Variants in CHD6 observed in about 807,000 individuals in gnomAD.
CHD6 encodes chromodomain helicase DNA binding protein 6, also known as ATP-dependent chromatin remodeler CHD6.
Under a neutral mutation model 276.9 loss-of-function variants are expected in CHD6, and 50 were observed. The ratio of observed to expected loss-of-function variants is 0.18; its 90% confidence interval spans 0.14 to 0.23. The LOEUF is 0.23. Ranked by LOEUF, CHD6 falls within the 10% of genes least tolerant of loss-of-function variation. The pLI is 1.00. For missense variants in CHD6, 2,564 were observed against 3,365.8 expected, an observed-to-expected ratio of 0.76 and a Z score of 5.89; for synonymous variants, 1,173 against 1,229.3, an observed-to-expected ratio of 0.95 and a Z score of 0.96.
intron 3 of CHD6, among the ~76,000 whole-genome samples, chr20:41,524,732 C>T (rs1036288977): frequency 6.6e-6 from 1 of 152,158 alleles, no homozygotes; most frequent in Non-Finnish European, 1.5e-5. Context: ...ATCTCATATA[C>T]CTCCCCTGTT....
At chr20:41,414,858 C>A (rs1424679474) in intron 34 of CHD6, 11 of 1,199,882 alleles carry the variant, frequency 9.2e-6, no homozygotes, top group Non-Finnish European at 1.1e-5. Context: ...CGGAGAAAAG[C>A]CGCTGCACAC....
At chr20:41,574,433 T>C (rs996054477) in intron 1 of CHD6, among the ~76,000 whole-genome samples, 5 of 152,204 alleles carry the variant, frequency 3.3e-5, no homozygotes, top group African/African-American at 1.2e-4. Flanking sequence ...TAGTCACTCA[T>C]ACATTTTCTG....
chr20:41,444,585 G>T (rs73611271), intron 25 of CHD6, among the ~76,000 whole-genome samples: 3,270 of 152,270 alleles, frequency 0.021, 45 homozygotes, highest in South Asian at 0.041. Flanking sequence ...ATATGTATAG[G>T]CATGGTTGTT....
chr20:41,617,571 C>G (rs1415415903), intron 1 of CHD6, among the ~76,000 whole-genome samples: 2 of 152,184 alleles, frequency 1.3e-5, no homozygotes, highest in African/African-American at 2.4e-5. Context: ...CAACGGACTC[C>G]GTTACTTCTC....
intron 1 of CHD6, among the ~76,000 whole-genome samples, chr20:41,602,390 G>A (rs904783951): frequency 2.0e-5 from 3 of 152,170 alleles, no homozygotes; most frequent in South Asian, 2.1e-4. Context: ...AAGCCCCTTG[G>A]TTGACCACCA....
chr20:41,492,039 G>C (rs2043568652), intron 10 of CHD6, among the ~76,000 whole-genome samples: 1 of 152,172 alleles, frequency 6.6e-6, no homozygotes, highest in Admixed American at 6.5e-5. Flanking sequence ...CTTACAATTA[G>C]CTTCAGAATG....
intron 1 of CHD6, among the ~76,000 whole-genome samples, chr20:41,572,618 G>A (rs2045430240): frequency 6.6e-6 from 1 of 152,120 alleles, no homozygotes; most frequent in Admixed American, 6.5e-5. Context: ...GACTCTGCAT[G>A]CCTCTGCACC....
rs1019432068 is a variant in CHD6 at position 41,513,047 on chromosome 20, C to T, written c.703-52G>A. On this transcript the variant is annotated intron_variant, in intron 4 of 36. Coordinates refer to ENST00000373233, the MANE Select transcript of CHD6 (RefSeq NM_032221.5). ...AAGCTCTCTGAGTGAAAGACAACAGCCTACACAAGAATACCCTCATCTACA... is the reference window on the plus strand; with the variant it reads ...AAGCTCTCTGAGTGAAAGACAACAGTCTACACAAGAATACCCTCATCTACA... 3.1e-6 allele frequency: 5 copies of T among 1,601,200 alleles called. No individual in the cohort carries two copies. In the East Asian group the frequency reaches 1.1e-4, roughly 36 times the overall value.
At chr20:41,441,382 C>T (rs533204415) in intron 25 of CHD6, among the ~76,000 whole-genome samples, 11 of 152,290 alleles carry the variant, frequency 7.2e-5, no homozygotes, top group African/African-American at 2.6e-4. Context: ...CACGTTCCTG[C>T]CCCACCTCAC....
chr20:41,514,868 A>G lies in CHD6; in HGVS notation c.639T>C (p.Asp213=). ...SETTVESLEL[D]QGLTNPSLRS... ...GCAGAGATGGGTTCGTCAGGCCCTG[A>G]TCCAGCTCTAAACTCTCCACTGTAG... is the stretch of plus-strand genomic sequence containing the variant. The change falls in exon 4 of 37, where the codon GAT becomes GAC. Residue 213 remains aspartate (D), a synonymous_variant. Coordinates refer to ENST00000373233, the MANE Select transcript of CHD6 (RefSeq NM_032221.5). The G allele has an allele frequency of 6.2e-7, 1 of 1,614,022 alleles. No homozygotes were observed. The highest frequency in any genetic ancestry group is 8.5e-7 in the Non-Finnish European group (1 of 1,179,970).
Position 41,551,347 on chromosome 20 carries a change from G to A in CHD6, c.-10C>T. On this transcript the variant is annotated 5_prime_UTR_variant, in exon 2 of 37. Transcript: ENST00000373233. ...GTATTTTCATTTTCATCTATTGAAG[G>A]AAGATATTTATTTCTGTAAAACATT... is the stretch of plus-strand genomic sequence containing the variant. 7.1e-7 allele frequency: 1 copy of A among 1,400,346 alleles called. No individual in the cohort carries two copies. Among genetic ancestry groups the A allele is most frequent in the Non-Finnish European group, 1.0e-6 (1 of 995,652 alleles). 86.7% of individuals were successfully genotyped at this position (1,400,346 alleles called of 1,614,324 possible). A position where few individuals can be genotyped will look rare whatever the true frequency, so the allele number is the denominator to read the frequency against.
At chr20:41,492,823 A>G (rs2043587892) in intron 10 of CHD6, among the ~76,000 whole-genome samples, 1 of 152,256 alleles carries the variant, frequency 6.6e-6, no homozygotes, top group South Asian at 2.1e-4. Context: ...CAGGAGTCCA[A>G]GGCAGGAGAA....
At chr20:41,551,392 T>A in intron 1 of CHD6, 32 bp from the exon 2 acceptor site, 1 of 992,098 alleles carries the variant, frequency 1.0e-6, no homozygotes, top group South Asian at 1.4e-5. Flanking sequence ...GCAAAGATTA[T>A]GACAAAACCC....
At chr20:41,412,486 C>A (rs778094226) in intron 35 of CHD6, among the ~76,000 whole-genome samples, 2 of 152,202 alleles carry the variant, frequency 1.3e-5, no homozygotes, top group African/African-American at 2.4e-5. Context: ...TGTGTGGGCA[C>A]CCCCGCCCTC....
chr20:41,542,403 CTG>C (rs1352019909), intron 2 of CHD6, among the ~76,000 whole-genome samples: 12 of 152,220 alleles, frequency 7.9e-5, no homozygotes, highest in African/African-American at 2.4e-4. Context: ...GTTAGAAAGA[CTG>C]TATTCGGCTG....
At chr20:41,526,605 A>C (rs2044543118) in intron 3 of CHD6, among the ~76,000 whole-genome samples, 1 of 126,230 alleles carries the variant, frequency 7.9e-6, no homozygotes, top group Non-Finnish European at 1.6e-5. Flanking sequence ...CAATCATCAC[A>C]GATGAAAGCG....
chr20:41,460,285 G>GA (rs2048503459), intron 17 of CHD6, among the ~76,000 whole-genome samples: 1 of 152,198 alleles, frequency 6.6e-6, no homozygotes, highest in Non-Finnish European at 1.5e-5. Context: ...CGATAGAAAA[G>GA]AAAAATCAAT....
chr20:41,564,398 T>TA (rs889277973), intron 1 of CHD6, among the ~76,000 whole-genome samples: 1 of 152,194 alleles, frequency 6.6e-6, no homozygotes, highest in Non-Finnish European at 1.5e-5. Context: ...TCAAATGCAT[T>TA]ATGCTGAGTG....
At position 41,405,499 on chromosome 20, in the gene CHD6, CAA is replaced by C. The variant is rs1460547281; in HGVS notation, c.7252-12_7252-11del. ...TTTCTGGAAGAAACCCCTGGAAAAA[CAA>C]AGAAACACAAAATGCTGAAGGCAAC... On this transcript the variant is annotated splice_polypyrimidine_tract_variant and intron_variant, in intron 36 of 36. Transcript: ENST00000373233. The C allele has an allele frequency of 6.5e-7, 1 of 1,537,792 alleles. No homozygotes were observed. The highest frequency in any genetic ancestry group is 8.7e-7 in the Non-Finnish European group (1 of 1,143,796).
Sources: gnomAD v4.1 joint callset for allele counts (sites outside exome capture counted in the v4.1 genomes callset) on GRCh38, gnomAD v4.1.1 for gene constraint, MANE v1.5 for transcripts, NCBI Gene and HGNC (gene_info 2026-07-23, HGNC 2026-07-21) for gene names.